The following BAZ2B variants were observed in gnomAD, a reference collection of about 807,000 sequenced individuals.
BAZ2B encodes bromodomain adjacent to zinc finger domain protein 2B.
A neutral mutation model predicts 246.0 loss-of-function variants in BAZ2B; 91 were observed. That is an observed-to-expected ratio of 0.37 (90% CI 0.31 to 0.44). The LOEUF (loss-of-function observed/expected upper bound fraction) is 0.44, where lower values mean the gene tolerates loss of function less well. Among genes scored for constraint, BAZ2B ranks in the 20% least tolerant of loss-of-function variants. BAZ2B has a pLI of 1.00. For missense variants in BAZ2B, 2,332 were observed against 2,533.7 expected (o/e 0.92, Z 1.71); for synonymous variants, 855 against 860.0 (o/e 0.99, Z 0.10).
chr2:159,403,369 A>T (rs1342283471), intron 16 of BAZ2B, among the ~76,000 whole-genome samples: 1 of 152,184 alleles, frequency 6.6e-6, no homozygotes, highest in Non-Finnish European at 1.5e-5. Flanking sequence ...TTTTTCAATG[A>T]GTAGCAAAGA....
At chr2:159,440,046 T>C (rs1021474566) in intron 6 of BAZ2B, among the ~76,000 whole-genome samples, 3 of 152,122 alleles carry the variant, frequency 2.0e-5, no homozygotes, top group Non-Finnish European at 2.9e-5. Flanking sequence ...AGATGTATTA[T>C]AACAAATTAA....
At chr2:159,411,855 T>C in intron 14 of BAZ2B, 2 of 640,294 alleles carry the variant, frequency 3.1e-6, no homozygotes, top group Non-Finnish European at 3.9e-6. Flanking sequence ...AAAATATATA[T>C]ACTATATCTG....
intron 1 of BAZ2B, among the ~76,000 whole-genome samples, chr2:159,567,034 G>A (rs771985717): frequency 2.4e-4 from 36 of 152,152 alleles, no homozygotes; most frequent in Non-Finnish European, 4.3e-4. Context: ...CCTGAGGTCA[G>A]GAGTTTCAGA....
chr2:159,562,272 T>C (rs183639558), intron 1 of BAZ2B, among the ~76,000 whole-genome samples: 55 of 152,308 alleles, frequency 3.6e-4, no homozygotes, highest in African/African-American at 1.3e-3. Flanking sequence ...ACAAAAGCCT[T>C]ATTACATGAA....
At chr2:159,446,639 C>A (rs937942802) in intron 6 of BAZ2B, 143 bp downstream of exon 6, 43 of 663,464 alleles carry the variant, frequency 6.5e-5, no homozygotes, top group Non-Finnish European at 8.9e-5. Flanking sequence ...TATACTGGTA[C>A]TGACACCATA....
In BAZ2B at chr2:159,319,871, C is replaced by T. The variant is rs1305783267; in HGVS notation, c.*394G>A. 2 of 153,182 alleles carry T rather than the reference C, an allele frequency of 1.3e-5. No individual in the cohort carries two copies. The highest frequency in any genetic ancestry group is 4.8e-5 in the African/African-American group (2 of 41,446). The allele number at this position is 153,182 out of a possible 1,614,324, so 9.5% of individuals were successfully genotyped here. On this transcript the variant is annotated 3_prime_UTR_variant, in exon 37 of 37. Transcript: ENST00000392783. This position sits in a 1 kb window ranked among gnomAD's most constrained non-coding sequence, Gnocchi z 4.0. ...TTAAATACATTCACTAAAAAATAAA[C>T]TACAAAGTAAAAAAATGAAAAATAG... is the stretch of plus-strand genomic sequence containing the variant.
intron 25 of BAZ2B, among the ~76,000 whole-genome samples, chr2:159,380,505 G>A (rs1264335576): frequency 6.6e-6 from 1 of 152,170 alleles, no homozygotes; most frequent in Non-Finnish European, 1.5e-5. Flanking sequence ...TATTACATGT[G>A]TAGAAAAGAC....
Position 159,385,247 on chromosome 2 carries a change from C to T in BAZ2B, c.3594G>A (p.Lys1198=). 6.2e-7 allele frequency: 1 copy of T among 1,613,548 alleles called. No homozygotes were observed. The highest frequency in any genetic ancestry group is 2.2e-5 in the East Asian group (1 of 44,866). ...GAGTGTGAGCCTGAAAAGCTTTGGTCTTCAGACTTTCAGTAAGCTCAGTTT... is the reference window on the plus strand; with the variant it reads ...GAGTGTGAGCCTGAAAAGCTTTGGTTTTCAGACTTTCAGTAAGCTCAGTTT... The part of the protein sequence containing the change: ...CGQTELTESL[K]TKAFQAHTPA... The change falls in exon 23 of 37, where the codon AAG becomes AAA. Residue 1198 remains lysine (K), a synonymous_variant. Coordinates refer to ENST00000392783, the MANE Select transcript of BAZ2B (RefSeq NM_013450.4).
At chr2:159,520,350 A>G (rs1380947311) in intron 2 of BAZ2B, among the ~76,000 whole-genome samples, 3 of 151,906 alleles carry the variant, frequency 2.0e-5, no homozygotes, top group African/African-American at 7.3e-5. Context: ...CTCCTACCTC[A>G]TTATCAGTTT....
the BAZ2B span, among the ~76,000 whole-genome samples, chr2:159,688,051 T>C: frequency 8.5e-5 from 13 of 152,232 alleles, no homozygotes; most frequent in Admixed American, 7.9e-4. Context: ...ATTTTACTAT[T>C]GTTTTTTAAG....
At chr2:159,655,825 A>G in the BAZ2B span, among the ~76,000 whole-genome samples, 2 of 152,144 alleles carry the variant, frequency 1.3e-5, no homozygotes, top group African/African-American at 4.8e-5. Flanking sequence ...CTATCTATCT[A>G]TTTAGAGTCC....
intron 2 of BAZ2B, among the ~76,000 whole-genome samples, chr2:159,531,254 A>G (rs1438752161): frequency 6.6e-6 from 1 of 152,162 alleles, no homozygotes; most frequent in Admixed American, 6.5e-5. Context: ...TCATCTGGAA[A>G]ATGAGTGGAC....
chr2:159,681,895 T>G, the BAZ2B span, among the ~76,000 whole-genome samples: 2 of 152,094 alleles, frequency 1.3e-5, no homozygotes, highest in African/African-American at 4.8e-5. Context: ...ACTGCACTCC[T>G]GCCTGGGCAA....
intron 25 of BAZ2B, among the ~76,000 whole-genome samples, chr2:159,380,997 C>A (rs2061937640): frequency 6.6e-6 from 1 of 152,130 alleles, no homozygotes; most frequent in South Asian, 2.1e-4. Context: ...ATCACTGAAC[C>A]TGAAGGTGGT....
the BAZ2B span, among the ~76,000 whole-genome samples, chr2:159,667,910 G>C: frequency 6.6e-6 from 1 of 151,808 alleles, no homozygotes; most frequent in African/African-American, 2.4e-5. Flanking sequence ...CAGCTTTTCA[G>C]GTTCTCTCAA....
chr2:159,424,193 T>C (rs1337105575), intron 13 of BAZ2B, among the ~76,000 whole-genome samples: 2 of 152,154 alleles, frequency 1.3e-5, no homozygotes, highest in Non-Finnish European at 2.9e-5. Context: ...AAGAAATTCT[T>C]AAACATAAGA....
chr2:159,374,882 A>G (rs2061258130), intron 25 of BAZ2B, 129 bp from the exon 26 acceptor site: 1 of 736,510 alleles, frequency 1.4e-6, no homozygotes, highest in Admixed American at 2.5e-5. Flanking sequence ...TCTATAAACT[A>G]ATAATCTGGT....
intron 14 of BAZ2B, 99 bp from the exon 15 acceptor site, chr2:159,405,213 T>C (rs2065719072): frequency 3.2e-6 from 3 of 937,436 alleles, no homozygotes; most frequent in Non-Finnish European, 4.5e-6. Context: ...AAGGATATAA[T>C]TATTACTTTT....
intron 31 of BAZ2B, among the ~76,000 whole-genome samples, chr2:159,343,255 C>T (rs531770803): frequency 2.4e-4 from 36 of 152,130 alleles, no homozygotes; most frequent in African/African-American, 8.7e-4. Flanking sequence ...TTATCCTATA[C>T]AAAAATAACT....
Sources: allele counts gnomAD v4.1 joint callset (sites outside exome capture counted in the v4.1 genomes callset), GRCh38; gene constraint gnomAD v4.1.1; non-coding constraint Gnocchi (gnomAD v3.1); transcripts MANE v1.5; gene names NCBI Gene and HGNC (gene_info 2026-07-23, HGNC 2026-07-21).